Variants in SRBD1 observed in about 807,000 individuals in gnomAD.
SRBD1 encodes S1 RNA-binding domain-containing protein 1.
In SRBD1, 88 loss-of-function variants were observed where a neutral mutation model predicts 115.3. That is an observed-to-expected ratio of 0.76 (90% CI 0.64 to 0.91). SRBD1 has a LOEUF of 0.91. Among genes scored for constraint, SRBD1 ranks in the 40% least tolerant of loss-of-function variants. The pLI, the probability that SRBD1 is intolerant of heterozygous loss-of-function variation, is 0.00. For synonymous variants in SRBD1, 509 were observed against 407.7 expected (o/e 1.25, Z -2.99); for missense variants, 1,385 against 1,177.4 (o/e 1.18, Z -2.58).
rs1309287977 is a variant in SRBD1, at chr2:45,488,221, A to T, written c.1966+19T>A. On this transcript the variant is annotated intron_variant, in intron 15 of 20. Transcript: ENST00000263736. ...AATATCAAAATCACATGTTTTTGTG[A>T]TGGTCCATAGTTTCTTACCTGCACT... The T allele has an allele frequency of 3.1e-6, 5 of 1,603,658 alleles. No homozygotes were observed. Among genetic ancestry groups the T allele is most frequent in the South Asian group, 2.2e-5 (2 of 90,376 alleles).
chr2:45,428,195 C>T (rs531355701), intron 16 of SRBD1, among the ~76,000 whole-genome samples: 1 of 152,192 alleles, frequency 6.6e-6, no homozygotes, highest in South Asian at 2.1e-4. Flanking sequence ...GATTAAGAAA[C>T]TCACTCAAAA....
chr2:45,521,286 AACACACACACACACAC>A (rs71394840), intron 14 of SRBD1, among the ~76,000 whole-genome samples: 1 of 146,330 alleles, frequency 6.8e-6, no homozygotes, highest in Non-Finnish European at 1.5e-5. Context: ...CAAAAAGGAA[AACACACACACACACAC>A]ACACACACAC....
intron 14 of SRBD1, among the ~76,000 whole-genome samples, chr2:45,536,906 CTCAAACTTTTATGA>C (rs1470291181): frequency 6.6e-6 from 1 of 152,138 alleles, no homozygotes; most frequent in African/African-American, 2.4e-5. Flanking sequence ...AGCAATGTTC[CTCAAACTTTTATGA>C]TCAACCATAA....
At chr2:45,502,361 G>A (rs1229012294) in intron 14 of SRBD1, among the ~76,000 whole-genome samples, 1 of 152,188 alleles carries the variant, frequency 6.6e-6, no homozygotes, top group Non-Finnish European at 1.5e-5. Context: ...AAATCATGCT[G>A]CTATAAAGAC....
chr2:45,596,929 A>AAC (rs3223332), intron 4 of SRBD1, among the ~76,000 whole-genome samples: 20,709 of 143,088 alleles, frequency 0.14, 3,440 homozygotes, highest in African/African-American at 0.41. Flanking sequence ...CCACAACCCT[A>AAC]ACACACACAC....
intron 14 of SRBD1, among the ~76,000 whole-genome samples, chr2:45,530,324 T>C (rs1413875749): frequency 1.3e-5 from 2 of 152,046 alleles, no homozygotes; most frequent in Admixed American, 1.3e-4. Flanking sequence ...CTGTAATTAA[T>C]ATATTTGAAT....
chr2:45,497,852 C>T (rs1340341873), intron 14 of SRBD1, among the ~76,000 whole-genome samples: 1 of 151,952 alleles, frequency 6.6e-6, no homozygotes, highest in East Asian at 1.9e-4. Flanking sequence ...CTGACCAACA[C>T]GGTGAAACCC....
intron 11 of SRBD1, among the ~76,000 whole-genome samples, chr2:45,552,654 G>A (rs1254287515): frequency 6.6e-6 from 1 of 152,150 alleles, no homozygotes; most frequent in Admixed American, 6.5e-5. Flanking sequence ...GTATGCCCTA[G>A]CTCTCAAAAG....
intron 4 of SRBD1, among the ~76,000 whole-genome samples, chr2:45,591,816 T>C (rs183145088): frequency 2.0e-3 from 301 of 152,248 alleles, no homozygotes; most frequent in Non-Finnish European, 3.5e-3. Flanking sequence ...GGTCCATACT[T>C]ATTACACTAA....
intron 5 of SRBD1, among the ~76,000 whole-genome samples, chr2:45,584,775 AT>A (rs985408645): frequency 1.3e-5 from 2 of 152,142 alleles, no homozygotes; most frequent in African/African-American, 4.8e-5. Context: ...CAGAGGCATA[AT>A]TTTTTTAAAA....
chr2:45,463,022 G>GT (rs1322659360), intron 16 of SRBD1, among the ~76,000 whole-genome samples: 3 of 34,962 alleles, frequency 8.6e-5, no homozygotes, highest in Non-Finnish European at 2.7e-4. Context: ...TAACCCGGGG[G>GT]GGGGGGGGGA....
intron 14 of SRBD1, among the ~76,000 whole-genome samples, chr2:45,537,216 T>G (rs974662900): frequency 6.6e-5 from 10 of 152,176 alleles, no homozygotes; most frequent in African/African-American, 2.4e-4. Flanking sequence ...ACACTTTACT[T>G]CAGCACTGGA....
chr2:45,567,333 G>C (rs1672860592), intron 9 of SRBD1, among the ~76,000 whole-genome samples: 2 of 152,076 alleles, frequency 1.3e-5, no homozygotes, highest in Non-Finnish European at 2.9e-5. Context: ...GTTTCGGCTG[G>C]GTATGGGGGC....
At chr2:45,499,598 A>G (rs1372322139) in intron 14 of SRBD1, among the ~76,000 whole-genome samples, 1 of 152,062 alleles carries the variant, frequency 6.6e-6, no homozygotes, top group Non-Finnish European at 1.5e-5. Flanking sequence ...ATTTCCCCCA[A>G]TGTTTTCTTT....
chr2:45,577,426 C>T (rs1316327061), intron 7 of SRBD1, among the ~76,000 whole-genome samples: 2 of 152,178 alleles, frequency 1.3e-5, no homozygotes, highest in Non-Finnish European at 2.9e-5. Flanking sequence ...TTCCCAGCTA[C>T]AGAATCTTCA....
At chr2:45,479,648 C>G (rs866999165) in intron 15 of SRBD1, among the ~76,000 whole-genome samples, 1 of 152,198 alleles carries the variant, frequency 6.6e-6, no homozygotes, top group Non-Finnish European at 1.5e-5. Context: ...AAGAAGCCAT[C>G]TTCCTAACAT....
intron 2 of SRBD1, 60 bp from the exon 3 acceptor site, chr2:45,602,143 A>G (rs1674113716): frequency 6.5e-7 from 1 of 1,537,728 alleles, no homozygotes; most frequent in Admixed American, 2.1e-5. Flanking sequence ...CAAAGGTAAA[A>G]AAGAGATGCA....
chr2:45,483,486 T>C (rs1670026308), intron 15 of SRBD1, among the ~76,000 whole-genome samples: 1 of 152,106 alleles, frequency 6.6e-6, no homozygotes, highest in Non-Finnish European at 1.5e-5. Flanking sequence ...ACTCATAATA[T>C]GTCTTATATC....
At chr2:45,417,966 C>T (rs1184997101) in intron 18 of SRBD1, among the ~76,000 whole-genome samples, 1 of 152,202 alleles carries the variant, frequency 6.6e-6, no homozygotes. Flanking sequence ...CTGGAATGCT[C>T]TCTTTCTGAT....
Sources: allele counts gnomAD v4.1 joint callset (sites outside exome capture counted in the v4.1 genomes callset), GRCh38; gene constraint gnomAD v4.1.1; transcripts MANE v1.5; gene names NCBI Gene and HGNC (gene_info 2026-07-23, HGNC 2026-07-21).